IRF6: variants seen among roughly 807,000 people sequenced by gnomAD.
IRF6 encodes Van der Woude syndrome.
A neutral mutation model predicts 51.4 loss-of-function variants in IRF6; 6 were observed. The ratio of observed to expected loss-of-function variants is 0.12; its 90% CI spans 0.06 to 0.23. The LOEUF (loss-of-function observed/expected upper bound fraction) is 0.23. IRF6 is among the 10% of genes least tolerant of loss of function. The pLI, the probability that IRF6 is intolerant of heterozygous loss-of-function variation, is 1.00. For missense variants in IRF6, 348 were observed against 585.2 expected, an observed-to-expected ratio of 0.59 and a Z score of 4.18; for synonymous variants, 178 against 215.7, an observed-to-expected ratio of 0.83 and a Z score of 1.53.
In IRF6 at chr1:209,788,532, T is replaced by C. The variant is rs758153743; in HGVS notation, c.1292A>G (p.Asn431Ser). 1 of 1,614,118 alleles carries C rather than the reference T, an allele frequency of 6.2e-7. No individual in the cohort carries two copies. The change falls in exon 9 of 9, where the codon AAC becomes AGC. Residue 431 changes from asparagine (N) to serine (S), a missense_variant. Asn to Ser is a conservative substitution (Grantham distance 46). Coordinates refer to ENST00000367021, the MANE Select transcript of IRF6 (RefSeq NM_006147.4). Reference protein sequence around the residue: ...LQISTPDIKDNIVAQLKQLYR... With the variant: ...LQISTPDIKDSIVAQLKQLYR... ...CAGCTGCTTCAGCTGAGCAACGATG[T>C]TATCCTTGATGTCTGGGGTTGAGAT...
At chr1:209,797,832 A>C (rs2077912781) in intron 3 of IRF6, among the ~76,000 whole-genome samples, 1 of 152,206 alleles carries the variant, frequency 6.6e-6, no homozygotes, top group Admixed American at 6.5e-5. Flanking sequence ...CTCTTTGTGC[A>C]GGAGTACAAC....
rs527909752 is a variant in IRF6 at position 209,805,254 on chromosome 1, G to A, written c.-76+693C>T. Among the ~76,000 whole-genome samples the A allele has an allele frequency of 3.9e-5, 6 of 152,010 alleles. 1 individual carries two copies. In the South Asian group the frequency reaches 1.0e-3, roughly 26 times the overall value. On this transcript the variant is annotated intron_variant, in intron 1 of 8. Transcript: ENST00000367021. ...AACAGGATGACCCCTTTACCACAAA[G>A]CAGGCTCCCTGTAAAGAGTGACACC...
intron 5 of IRF6, 73 bp from the exon 6 acceptor site, chr1:209,792,500 C>T: frequency 6.5e-7 from 1 of 1,532,726 alleles, no homozygotes; most frequent in East Asian, 2.3e-5. Context: ...TCTGAGAACT[C>T]ACAAGGTCAG....
At chr1:209,793,580 T>C (rs1163323199) in intron 5 of IRF6, among the ~76,000 whole-genome samples, 1 of 105,178 alleles carries the variant, frequency 9.5e-6, no homozygotes, top group African/African-American at 4.0e-5. Flanking sequence ...TGTTTACTTT[T>C]ATTTTAGTTT....
intron 8 of IRF6, among the ~76,000 whole-genome samples, chr1:209,789,141 C>T (rs1558038516): frequency 1.3e-5 from 2 of 152,068 alleles, no homozygotes; most frequent in African/African-American, 2.4e-5. Flanking sequence ...GCATGAGCAA[C>T]ATAGTGAGAC....
Position 209,785,642 on chromosome 1 carries a change from T to A in IRF6, c.*2778A>T, listed in dbSNP as rs2077828625. 6.6e-6 allele frequency: 1 copy of A among 152,234 alleles called. No individual in the cohort carries two copies. The highest frequency in any genetic ancestry group is 2.4e-5 in the African/African-American group (1 of 41,462). The allele number at this position is 152,234 out of a possible 1,614,324, so 9.4% of individuals were successfully genotyped here. A position where few individuals can be genotyped will look rare whatever the true frequency, so the allele number is the denominator to read the frequency against. Reference sequence around the variant, plus strand: ...TTTTAGAACGTTTTCCTTCCCCGCATTTATTTAATTTTCCCATGGTGGTTA... The same window carrying A: ...TTTTAGAACGTTTTCCTTCCCCGCAATTATTTAATTTTCCCATGGTGGTTA... On this transcript the variant is annotated 3_prime_UTR_variant, in exon 9 of 9. Transcript: ENST00000367021.
chr1:209,797,151 T>A (rs551431262), intron 3 of IRF6, among the ~76,000 whole-genome samples: 1 of 151,944 alleles, frequency 6.6e-6, no homozygotes, highest in Non-Finnish European at 1.5e-5. Flanking sequence ...GCCGGGTGGA[T>A]CACGAGGTCA....
chr1:209,793,920 G>A (rs889809665), intron 5 of IRF6, among the ~76,000 whole-genome samples: 1 of 152,162 alleles, frequency 6.6e-6, no homozygotes, highest in African/African-American at 2.4e-5. Context: ...TTTTATGGCT[G>A]CATAGTATTC....
chr1:209,796,514 C>T lies in IRF6; in HGVS notation c.213G>A (p.Val71=). ...TCCATTTAGCTGGGTCAGGGTCATC[C>T]ACCCCTTCCTGGTACTTCCCTGTCT... ...AVETGKYQEG[V]DDPDPAKWKA... The change falls in exon 4 of 9, where the codon GTG becomes GTA. Residue 71 remains valine (V), a synonymous_variant. Coordinates refer to ENST00000367021, the MANE Select transcript of IRF6 (RefSeq NM_006147.4). This position sits in a 1 kb window ranked among gnomAD's most constrained non-coding sequence, Gnocchi z 4.5. The T allele has an allele frequency of 6.2e-7, 1 of 1,613,468 alleles. No individual in the cohort carries two copies. The highest frequency in any genetic ancestry group is 8.5e-7 in the Non-Finnish European group (1 of 1,180,040).
At chr1:209,803,183 C>T (rs765545239) in intron 1 of IRF6, among the ~76,000 whole-genome samples, 7 of 152,124 alleles carry the variant, frequency 4.6e-5, no homozygotes, top group Admixed American at 1.3e-4. Context: ...ATTCTCTCAA[C>T]GGCTAGTTCT....
At position 209,790,090 on chromosome 1, in the gene IRF6, C is replaced by T. The variant is rs2102536363; in HGVS notation, c.1061-305G>A. Among the ~76,000 whole-genome samples, 1 of 152,352 alleles carries T rather than the reference C, an allele frequency of 6.6e-6. No homozygotes were observed. The highest frequency in any genetic ancestry group is 2.4e-5 in the African/African-American group (1 of 41,590). ...ATTGTAAAAAATTGACATCACGGTGCTTTCCCTAAAACTGCCTGCTTGAAT... is the reference window on the plus strand; with the variant it reads ...ATTGTAAAAAATTGACATCACGGTGTTTTCCCTAAAACTGCCTGCTTGAAT... On this transcript the variant is annotated intron_variant, in intron 7 of 8. Coordinates refer to ENST00000367021, the MANE Select transcript of IRF6 (RefSeq NM_006147.4). This position sits in a 1 kb window ranked among gnomAD's most constrained non-coding sequence, Gnocchi z 4.8.
intron 1 of IRF6, among the ~76,000 whole-genome samples, chr1:209,805,554 G>A (rs2077968966): frequency 6.6e-6 from 1 of 152,214 alleles, no homozygotes; most frequent in South Asian, 2.1e-4. Flanking sequence ...ACGCCCACTA[G>A]GATCAAGGAC....
At chr1:209,799,459 AG>A (rs1353501050) in intron 3 of IRF6, among the ~76,000 whole-genome samples, 1 of 152,228 alleles carries the variant, frequency 6.6e-6, no homozygotes, top group Non-Finnish European at 1.5e-5. Context: ...TAATGGACAC[AG>A]ACACCCATTT....
In IRF6 at chr1:209,790,928, C is replaced by T. The variant is rs1260236409; in HGVS notation, c.668-41G>A. 1 of 1,611,572 alleles carries T rather than the reference C, an allele frequency of 6.2e-7. No individual in the cohort carries two copies. ...TGACAGTGAGAGTCCTGCTTCACTGCTCTGCCTGTTCATCCCTGTGACTCA... is the reference window on the plus strand; with the variant it reads ...TGACAGTGAGAGTCCTGCTTCACTGTTCTGCCTGTTCATCCCTGTGACTCA... On this transcript the variant is annotated intron_variant, in intron 6 of 8. Transcript: ENST00000367021. This position sits in a 1 kb window ranked among gnomAD's most constrained non-coding sequence, Gnocchi z 4.8.
chr1:209,788,737 G>C (rs556710592), intron 8 of IRF6, 93 bp from the exon 9 acceptor site: 1 of 963,208 alleles, frequency 1.0e-6, no homozygotes, highest in East Asian at 2.5e-5. Context: ...GACCAAAGAG[G>C]CCCTGAGGAA....
rs1053151409 is a variant in IRF6 at position 209,796,644 on chromosome 1, C to CACACACACA, written c.175-101_175-93dup. ...TTTCTCATAGACACAAACACACACA[C>CACACACACA]ACACACACACACACACACACACACA... is the stretch of plus-strand genomic sequence containing the variant. On this transcript the variant is annotated intron_variant, in intron 3 of 8. Transcript: ENST00000367021. This position sits in a 1 kb window ranked among gnomAD's most constrained non-coding sequence, Gnocchi z 4.5. 6.7e-5 allele frequency: 49 copies of CACACACACA among 727,914 alleles called. No individual in the cohort carries two copies. The highest frequency in any genetic ancestry group is 9.7e-5 in the Non-Finnish European group (42 of 433,920). The allele number at this position is 727,914 out of a possible 1,614,324, so 45.1% of individuals were successfully genotyped here.
intron 3 of IRF6, among the ~76,000 whole-genome samples, chr1:209,799,418 C>T (rs1205455201): frequency 6.6e-6 from 1 of 152,184 alleles, no homozygotes; most frequent in Non-Finnish European, 1.5e-5. Context: ...TAATACCTCC[C>T]TTACAGGGTT....
chr1:209,794,613 C>T (rs1374201858), intron 5 of IRF6, among the ~76,000 whole-genome samples: 7 of 152,152 alleles, frequency 4.6e-5, no homozygotes, highest in African/African-American at 1.4e-4. Flanking sequence ...AAGTCATTTG[C>T]GTAGGAGCAT....
Position 209,801,271 on chromosome 1 carries a change from G to C in IRF6, c.143C>G (p.Pro48Arg). The change falls in exon 3 of 9, where the codon CCT (proline) becomes CGT (arginine). Residue 48 changes from proline to arginine, a missense_variant. Physicochemically the swap from Pro to Arg is moderately radical, Grantham distance 103. Coordinates refer to ENST00000367021, the MANE Select transcript of IRF6 (RefSeq NM_006147.4). Reference sequence around the variant, plus strand: ...AATGGTATTTTCCTCTTCTTGTTGAGGGCTATGCCGGGTGGCATGTTTCCA... The same window carrying C: ...AATGGTATTTTCCTCTTCTTGTTGACGGCTATGCCGGGTGGCATGTTTCCA... ...IPWKHATRHS[P>R]QQEEENTIFK... is the part of the protein sequence containing the mutation. 6.2e-7 allele frequency: 1 copy of C among 1,613,980 alleles called. No individual in the cohort carries two copies. The highest frequency in any genetic ancestry group is 8.5e-7 in the Non-Finnish European group (1 of 1,180,000).
Sources: allele counts gnomAD v4.1 joint callset (sites outside exome capture counted in the v4.1 genomes callset), GRCh38; gene constraint gnomAD v4.1.1; non-coding constraint Gnocchi (gnomAD v3.1); transcripts MANE v1.5; gene names NCBI Gene and HGNC (gene_info 2026-07-23, HGNC 2026-07-21).